Variants in NR3C1 observed in about 807,000 individuals in gnomAD.
NR3C1 encodes nuclear receptor subfamily 3 group C member 1, also known as glucocorticoid receptor.
Under a neutral mutation model 74.0 loss-of-function variants are expected in NR3C1, and 14 were observed. The observed-to-expected ratio is 0.19, with a 90% CI of 0.12 to 0.30. The LOEUF is 0.30. Among genes scored for constraint, NR3C1 ranks in the 10% least tolerant of loss-of-function variants. The pLI is 1.00. For synonymous variants in NR3C1, 308 were observed against 332.5 expected, an observed-to-expected ratio of 0.93 and a Z score of 0.80; for missense variants, 695 against 909.8, an observed-to-expected ratio of 0.76 and a Z score of 3.04.
chr5:143,305,136 G>C (rs970872474), intron 4 of NR3C1, among the ~76,000 whole-genome samples: 1 of 152,118 alleles, frequency 6.6e-6, no homozygotes, highest in African/African-American at 2.4e-5. Context: ...ATCTGACAAA[G>C]CCCTAATATC....
At chr5:143,421,281 G>A (rs1178392639) in intron 1 of NR3C1, among the ~76,000 whole-genome samples, 2 of 152,144 alleles carry the variant, frequency 1.3e-5, no homozygotes, top group Non-Finnish European at 1.5e-5. Flanking sequence ...GGGCTCAGAA[G>A]GGCTTGCATG....
rs978244173 is a variant in NR3C1 at position 143,337,981 on chromosome 5, T to C, written c.1185-23813A>G. 1.3e-5 allele frequency among the ~76,000 whole-genome samples: 2 copies of C among 152,362 alleles called. 1 individual carries two copies. Among genetic ancestry groups the C allele is most frequent in the Middle Eastern group, 6.8e-3 (2 of 294 alleles). ...GCAATATTCTATTTCTTGCCCTGGT[T>C]GGTAATTACACACTGCTAGCTTTAT... On this transcript the variant is annotated intron_variant, in intron 2 of 8. Coordinates refer to ENST00000394464, the MANE Select transcript of NR3C1 (RefSeq NM_000176.3).
intron 2 of NR3C1, among the ~76,000 whole-genome samples, chr5:143,367,314 TAAACTG>T (rs1378687717): frequency 6.6e-6 from 1 of 152,176 alleles, no homozygotes; most frequent in African/African-American, 2.4e-5. Context: ...ACAACACACT[TAAACTG>T]AAAGGTTTCC....
intron 4 of NR3C1, among the ~76,000 whole-genome samples, chr5:143,307,561 G>A (rs1232728797): frequency 6.6e-6 from 1 of 152,116 alleles, no homozygotes; most frequent in Admixed American, 6.5e-5. Flanking sequence ...ACCTAAAAAT[G>A]TTACTGGGTA....
chr5:143,415,102 A>C (rs898844338), intron 1 of NR3C1, among the ~76,000 whole-genome samples: 3 of 152,216 alleles, frequency 2.0e-5, no homozygotes, highest in Non-Finnish European at 1.5e-5. Context: ...CTAGAAAATA[A>C]CACATACTTA....
chr5:143,424,165 A>G (rs1484982905), intron 1 of NR3C1, among the ~76,000 whole-genome samples: 1 of 152,016 alleles, frequency 6.6e-6, no homozygotes, highest in Non-Finnish European at 1.5e-5. Flanking sequence ...ATACATATGT[A>G]ACTAACCTGC....
At chr5:143,316,111 T>C (rs901759991) in intron 2 of NR3C1, among the ~76,000 whole-genome samples, 2 of 152,238 alleles carry the variant, frequency 1.3e-5, no homozygotes, top group Admixed American at 6.5e-5. Flanking sequence ...ATGACTCTGC[T>C]GTAGGTCCGG....
intron 2 of NR3C1, among the ~76,000 whole-genome samples, chr5:143,346,073 T>G (rs1156828107): frequency 6.6e-6 from 1 of 152,210 alleles, no homozygotes; most frequent in Non-Finnish European, 1.5e-5. Flanking sequence ...GTTATGACTT[T>G]CATAAACAGC....
chr5:143,293,276 G>A (rs1206918661), intron 7 of NR3C1, among the ~76,000 whole-genome samples: 1 of 152,154 alleles, frequency 6.6e-6, no homozygotes, highest in African/African-American at 2.4e-5. Flanking sequence ...AGTAACCCAG[G>A]AATGGGAAAC....
intron 4 of NR3C1, among the ~76,000 whole-genome samples, chr5:143,308,424 A>G (rs1820131230): frequency 6.6e-6 from 1 of 152,152 alleles, no homozygotes; most frequent in Admixed American, 6.5e-5. Context: ...TGTTCATGTC[A>G]CTGCACTCCA....
intron 5 of NR3C1, 23 bp from the exon 6 acceptor site, chr5:143,298,835 A>G: frequency 6.2e-7 from 1 of 1,609,058 alleles, no homozygotes; most frequent in Non-Finnish European, 8.5e-7. Context: ...AAATAAAGGT[A>G]TGAGGCAACA....
At chr5:143,325,712 T>C (rs1320295950) in intron 2 of NR3C1, among the ~76,000 whole-genome samples, 4 of 152,178 alleles carry the variant, frequency 2.6e-5, no homozygotes, top group African/African-American at 9.7e-5. Context: ...AATATACATA[T>C]AGGATTTGGG....
intron 2 of NR3C1, among the ~76,000 whole-genome samples, chr5:143,356,974 C>T (rs1172590118): frequency 6.6e-6 from 1 of 152,150 alleles, no homozygotes; most frequent in Non-Finnish European, 1.5e-5. Context: ...CTATCTTTGT[C>T]CCAATAGTTA....
chr5:143,340,281 C>T (rs1386493296), intron 2 of NR3C1, among the ~76,000 whole-genome samples: 1 of 151,930 alleles, frequency 6.6e-6, no homozygotes, highest in African/African-American at 2.4e-5. Context: ...GACTCAATCC[C>T]CAAATTGAAG....
chr5:143,309,039 T>TA (rs1224539173), intron 4 of NR3C1, among the ~76,000 whole-genome samples: 1 of 151,836 alleles, frequency 6.6e-6, no homozygotes, highest in Non-Finnish European at 1.5e-5. Flanking sequence ...TAAACAGGGA[T>TA]ATGAAACTCT....
intron 1 of NR3C1, among the ~76,000 whole-genome samples, chr5:143,413,530 A>G (rs1841373157): frequency 6.6e-6 from 1 of 152,130 alleles, no homozygotes; most frequent in Non-Finnish European, 1.5e-5. Context: ...CTTAAATTTT[A>G]TCCCTTAGCT....
intron 2 of NR3C1, among the ~76,000 whole-genome samples, chr5:143,352,599 G>C (rs1040372702): frequency 6.6e-6 from 1 of 152,124 alleles, no homozygotes; most frequent in African/African-American, 2.4e-5. Flanking sequence ...CCACAATAAA[G>C]TGAATATTGC....
chr5:143,402,637 C>G (rs1840519665), intron 1 of NR3C1: 1 of 985,422 alleles, frequency 1.0e-6, no homozygotes. Context: ...CCACTTCTAA[C>G]AGATAACGCC....
upstream of NR3C1, chr5:143,407,406 A>G (rs1190148118): frequency 6.6e-6 from 1 of 152,174 alleles, no homozygotes; most frequent in East Asian, 1.9e-4. Context: ...AAAATAAACT[A>G]GATTAGATTC....
Sources: gnomAD v4.1 joint callset for allele counts (sites outside exome capture counted in the v4.1 genomes callset) on GRCh38, gnomAD v4.1.1 for gene constraint, MANE v1.5 for transcripts, NCBI Gene and HGNC (gene_info 2026-07-23, HGNC 2026-07-21) for gene names.